SKI: variants seen among roughly 807,000 people sequenced by gnomAD.
SKI encodes the protein ski oncogene.
Under a neutral mutation model 59.3 loss-of-function variants are expected in SKI, and 23 were observed. The observed-to-expected ratio is 0.39, with a 90% CI of 0.28 to 0.55. The LOEUF (loss-of-function observed/expected upper bound fraction) is 0.55. Ranked by LOEUF, SKI falls within the 20% of genes least tolerant of loss-of-function variation. The pLI is 0.67. For missense variants in SKI, 1,017 were observed against 1,038.9 expected (o/e 0.98, Z 0.29); for synonymous variants, 673 against 488.6 (o/e 1.38, Z -4.98).
chr1:2,247,623 C>T (rs1639027607), intron 1 of SKI, among the ~76,000 whole-genome samples: 1 of 152,228 alleles, frequency 6.6e-6, no homozygotes, highest in Admixed American at 6.5e-5. Context: ...GGTGCAGCCA[C>T]CAGGCAAGAA....
At chr1:2,239,463 A>G (rs1638818164) in intron 1 of SKI, among the ~76,000 whole-genome samples, 1 of 152,058 alleles carries the variant, frequency 6.6e-6, no homozygotes, top group African/African-American at 2.4e-5. Context: ...CGTGGTCTTG[A>G]GCTCCCGTTG....
At chr1:2,235,442 C>T (rs1381717494) in intron 1 of SKI, among the ~76,000 whole-genome samples, 1 of 152,234 alleles carries the variant, frequency 6.6e-6, no homozygotes. Flanking sequence ...TGGTTGCCCT[C>T]TGCAGACCAG....
chr1:2,287,715 TG>T (rs1287567496), intron 1 of SKI, among the ~76,000 whole-genome samples: 5 of 152,046 alleles, frequency 3.3e-5, no homozygotes, highest in African/African-American at 1.2e-4. Context: ...GTGTGGGGCG[TG>T]GGGGTGGTCT....
chr1:2,303,362 A>G lies in SKI; in HGVS notation c.1173A>G (p.Lys391=). The part of the protein sequence containing the change: ...PWSPAVSASE[K]ELSPHLPALI... ...CCCCCGCAGTGTCAGCGAGTGAGAA[A>G]GAGCTCTCCCCACACCTCCCGGCCC... The change falls in exon 3 of 7, where the codon AAA becomes AAG. Residue 391 remains lysine, a synonymous_variant. Transcript: ENST00000378536. The surrounding 1 kb of genome is among the most constrained non-coding windows in gnomAD (Gnocchi z 5.6). 1 of 1,613,664 alleles carries G rather than the reference A, an allele frequency of 6.2e-7. No homozygotes were observed. Among genetic ancestry groups the G allele is most frequent in the Middle Eastern group, 1.6e-4 (1 of 6,062 alleles).
rs991640218 is a variant in SKI at position 2,307,751 on chromosome 1, C to T, written c.*986C>T. The T allele has an allele frequency of 6.6e-6, 1 of 152,600 alleles. No individual in the cohort carries two copies. The highest frequency in any genetic ancestry group is 1.5e-5 in the Non-Finnish European group (1 of 68,052). 9.5% of individuals were successfully genotyped at this position (152,600 alleles called of 1,614,324 possible). On this transcript the variant is annotated 3_prime_UTR_variant, in exon 7 of 7. Transcript: ENST00000378536. ...ATTTAGAACTGCACTTTGTCCACAA[C>T]CTTCCCTTCTCTTTCTATTCCCCAG... is the stretch of plus-strand genomic sequence containing the variant.
At position 2,270,217 on chromosome 1, in the gene SKI, A is replaced by G. The variant is rs1349271667; in HGVS notation, c.970-32761A>G. On this transcript the variant is annotated intron_variant, in intron 1 of 6. Transcript: ENST00000378536. This position sits in a 1 kb window ranked among gnomAD's most constrained non-coding sequence, Gnocchi z 4.1. ...TCTGTCTACGAGCTAGAGCAAGGGC[A>G]GGTGGGCCCACTGGCTGGCGCTGCG... is the stretch of plus-strand genomic sequence containing the variant. Among the ~76,000 whole-genome samples the G allele has an allele frequency of 6.6e-6, 1 of 152,070 alleles. No homozygotes were observed. Among genetic ancestry groups the G allele is most frequent in the Non-Finnish European group, 1.5e-5 (1 of 68,016 alleles).
chr1:2,293,357 G>A (rs1373145625), intron 1 of SKI, among the ~76,000 whole-genome samples: 2 of 152,106 alleles, frequency 1.3e-5, no homozygotes, highest in African/African-American at 2.4e-5. Flanking sequence ...TTGCCCGTGG[G>A]CCTGGAAGGT....
chr1:2,283,355 G>C (rs1283068111), intron 1 of SKI, among the ~76,000 whole-genome samples: 1 of 149,892 alleles, frequency 6.7e-6, no homozygotes, highest in South Asian at 2.1e-4. Flanking sequence ...CCTCAGGGGG[G>C]GGAGGGCAGG....
At chr1:2,283,769 G>A (rs1435383019) in intron 1 of SKI, among the ~76,000 whole-genome samples, 1 of 152,208 alleles carries the variant, frequency 6.6e-6, no homozygotes, top group Admixed American at 6.5e-5. Flanking sequence ...GCTGCCCCAA[G>A]GGTACGGGAG....
At chr1:2,284,116 C>T (rs1353274251) in intron 1 of SKI, among the ~76,000 whole-genome samples, 1 of 152,230 alleles carries the variant, frequency 6.6e-6, no homozygotes, top group Non-Finnish European at 1.5e-5. Flanking sequence ...GGTCCATCTC[C>T]TGTCCACATG....
intron 1 of SKI, among the ~76,000 whole-genome samples, chr1:2,288,504 C>T (rs559385841): frequency 4.6e-5 from 7 of 152,346 alleles, no homozygotes; most frequent in South Asian, 2.1e-4. Context: ...GATTGGTTGT[C>T]GTCGTTTCCT....
At chr1:2,244,127 G>A (rs962383725) in intron 1 of SKI, among the ~76,000 whole-genome samples, 4 of 151,862 alleles carry the variant, frequency 2.6e-5, no homozygotes, top group South Asian at 2.1e-4. Flanking sequence ...CACCACACCC[G>A]GATAATTTTT....
Position 2,228,336 on chromosome 1 carries a change from C to T in SKI, c.-431C>T, listed in dbSNP as rs1638547837. On this transcript the variant is annotated 5_prime_UTR_variant, in exon 1 of 7. Coordinates refer to ENST00000378536, the MANE Select transcript of SKI (RefSeq NM_003036.4). ...GCGCCCCCGCTCCTCCCGGGCCCCT[C>T]GGCCTCGGCCGCCGCGGCGATTCGC... 7.0e-6 allele frequency among the ~76,000 whole-genome samples: 1 copy of T among 142,730 alleles called. No individual in the cohort carries two copies. Among genetic ancestry groups the T allele is most frequent in the South Asian group, 2.1e-4 (1 of 4,710 alleles). 93.6% of individuals were successfully genotyped at this position (142,730 alleles called of 152,430 possible). A position where few individuals can be genotyped will look rare whatever the true frequency, so the allele number is the denominator to read the frequency against.
At chr1:2,246,285 G>A (rs1474068933) in intron 1 of SKI, among the ~76,000 whole-genome samples, 2 of 152,122 alleles carry the variant, frequency 1.3e-5, no homozygotes, top group African/African-American at 2.4e-5. Flanking sequence ...CTGATGATTA[G>A]TATGTTGGGC....
Position 2,303,783 on chromosome 1 carries a change from T to C in SKI, c.1212-57T>C. ...TTCAGAGGGGGTGTGCGCCAGGATG[T>C]GTCTGGGTGGTGCTTGGGGACAGAG... On this transcript the variant is annotated intron_variant, in intron 3 of 6. Coordinates refer to ENST00000378536, the MANE Select transcript of SKI (RefSeq NM_003036.4). This position sits in a 1 kb window ranked among gnomAD's most constrained non-coding sequence, Gnocchi z 5.6. 3 of 1,601,840 alleles carry C rather than the reference T, an allele frequency of 1.9e-6. No individual in the cohort carries two copies. In the Admixed American group the frequency reaches 5.1e-5, roughly 27 times the overall value.
At chr1:2,231,851 C>T (rs185721806) in intron 1 of SKI, among the ~76,000 whole-genome samples, 38 of 152,358 alleles carry the variant, frequency 2.5e-4, no homozygotes, top group Non-Finnish European at 5.1e-4. Flanking sequence ...GCTCTATGTT[C>T]TTGACGTGGG....
intron 1 of SKI, among the ~76,000 whole-genome samples, chr1:2,230,023 C>T (rs1412563789): frequency 3.9e-5 from 6 of 152,202 alleles, no homozygotes; most frequent in South Asian, 2.1e-4. Flanking sequence ...GGCCCACAGG[C>T]ATTGCCCAGA....
At position 2,261,000 on chromosome 1, in the gene SKI, G is replaced by A. The variant is rs555293537; in HGVS notation, c.969+31265G>A. Among the ~76,000 whole-genome samples, 4 of 152,280 alleles carry A rather than the reference G, an allele frequency of 2.6e-5. No individual in the cohort carries two copies. The East Asian group carries it at 5.8e-4, about 22-fold the overall frequency. On this transcript the variant is annotated intron_variant, in intron 1 of 6. Coordinates refer to ENST00000378536, the MANE Select transcript of SKI (RefSeq NM_003036.4). ...GAGTTAATTTTTGTGTGCAATGCAA[G>A]GTGTGGACCTGAGTTCATTTCTTTG... is the stretch of plus-strand genomic sequence containing the variant.
At chr1:2,249,660 G>T (rs1465662018) in intron 1 of SKI, among the ~76,000 whole-genome samples, 1 of 152,216 alleles carries the variant, frequency 6.6e-6, no homozygotes, top group East Asian at 1.9e-4. Context: ...CGTGGAGGAG[G>T]GAAGAGCCAG....
Sources: gnomAD v4.1 joint callset for allele counts (sites outside exome capture counted in the v4.1 genomes callset) on GRCh38, gnomAD v4.1.1 for gene constraint, Gnocchi (gnomAD v3.1) non-coding constraint, MANE v1.5 for transcripts, NCBI Gene and HGNC (gene_info 2026-07-23, HGNC 2026-07-21) for gene names.